Variants in CELSR1 observed in about 807,000 individuals in gnomAD.
CELSR1 encodes the protein adhesion G protein-coupled receptor C1.
Under a neutral mutation model 249.1 loss-of-function variants are expected in CELSR1, and 110 were observed. The ratio of observed to expected loss-of-function variants is 0.44; its 90% CI spans 0.38 to 0.52. The LOEUF is 0.52. CELSR1 is among the 20% of genes least tolerant of loss of function. The probability of loss-of-function intolerance (pLI) is 0.00; values close to 1 mark genes in which losing one functional copy is unlikely to be tolerated. For missense variants in CELSR1, 4,109 were observed against 4,296.4 expected (o/e 0.96, Z 1.22); for synonymous variants, 2,113 against 1,900.0 (o/e 1.11, Z -2.92).
rs1338233117 is a variant in CELSR1, at chr22:46,427,582, G to A, written c.4611+5811C>T. Among the ~76,000 whole-genome samples, 1 of 152,144 alleles carries A rather than the reference G, an allele frequency of 6.6e-6. No individual in the cohort carries two copies. Among genetic ancestry groups the A allele is most frequent in the East Asian group, 1.9e-4 (1 of 5,190 alleles). On this transcript the variant is annotated intron_variant, in intron 5 of 34. Transcript: ENST00000674500. This position sits in a 1 kb window ranked among gnomAD's most constrained non-coding sequence, Gnocchi z 4.2. The stretch of plus-strand genomic sequence containing the variant: ...CTACAACTATGGCTTTTAAAATCTA[G>A]TAACAAGATCCTGGGAGCTCCTCCC...
At chr22:46,474,120 C>T (rs1409850908) in intron 1 of CELSR1, among the ~76,000 whole-genome samples, 1 of 152,184 alleles carries the variant, frequency 6.6e-6, no homozygotes, top group Admixed American at 6.5e-5. Flanking sequence ...GTGCTGCTCA[C>T]GATGCCTCGG....
Position 46,448,981 on chromosome 22 carries a change from C to T in CELSR1, c.4184-9570G>A, listed in dbSNP as rs577353855. 3.3e-5 allele frequency among the ~76,000 whole-genome samples: 5 copies of T among 152,134 alleles called. No homozygotes were observed. Among genetic ancestry groups the T allele is most frequent in the African/African-American group, 9.7e-5 (4 of 41,418 alleles). ...ATGTCAGAAATGATAAAACACCACA[C>T]GAATTTGCCCATCTGTTATTCCATT... is the stretch of plus-strand genomic sequence containing the variant. On this transcript the variant is annotated intron_variant, in intron 2 of 34. Transcript: ENST00000674500. The surrounding 1 kb of genome is among the most constrained non-coding windows in gnomAD (Gnocchi z 5.7).
chr22:46,421,455 G>T (rs949685901), intron 5 of CELSR1, among the ~76,000 whole-genome samples: 5 of 152,212 alleles, frequency 3.3e-5, no homozygotes, highest in Non-Finnish European at 7.3e-5. Context: ...AAGGCCCAGG[G>T]TGGGGCGGCG....
intron 19 of CELSR1, among the ~76,000 whole-genome samples, chr22:46,385,773 G>A (rs2079026012): frequency 1.3e-5 from 2 of 151,364 alleles, no homozygotes; most frequent in Admixed American, 6.6e-5. Context: ...CGCTTCCCGG[G>A]TTCACGCCAT....
At chr22:46,509,538 C>G (rs1490955012) in intron 1 of CELSR1, among the ~76,000 whole-genome samples, 1 of 17,938 alleles carries the variant, frequency 5.6e-5, no homozygotes, top group African/African-American at 1.5e-4. Context: ...GTCAACTGGA[C>G]AGTGGGTGCT....
In CELSR1 at chr22:46,431,036, G is replaced by A. The variant is rs539299374; in HGVS notation, c.4611+2357C>T. On this transcript the variant is annotated intron_variant, in intron 5 of 34. Transcript: ENST00000674500. ...CAAGAGAGAGAAGTATCTGGCGCTC[G>A]CAGGAAAGGCCTAATCCCACACGGG... Among the ~76,000 whole-genome samples, 125 of 152,326 alleles carry A rather than the reference G, an allele frequency of 8.2e-4. 1 individual carries two copies. In the South Asian group the frequency reaches 0.023, roughly 28 times the overall value.
At chr22:46,523,568 A>AT (rs1362696367) in intron 1 of CELSR1, among the ~76,000 whole-genome samples, 1 of 150,770 alleles carries the variant, frequency 6.6e-6, no homozygotes, top group African/African-American at 2.5e-5. Flanking sequence ...ATAAAATAAA[A>AT]AGAAAGAAAA....
rs1244417230 is a variant in CELSR1 at position 46,526,739 on chromosome 22, G to A, written c.3544+6888C>T. On this transcript the variant is annotated intron_variant, in intron 1 of 34. Coordinates refer to ENST00000674500, the MANE Select transcript of CELSR1 (RefSeq NM_001378328.1). This position sits in a 1 kb window ranked among gnomAD's most constrained non-coding sequence, Gnocchi z 4.7. ...TGTTCCCCACCCAGGAGGCTATTCGGGCCATGGCTCCTCAAGGCTGGGCCT... is the reference window on the plus strand; with the variant it reads ...TGTTCCCCACCCAGGAGGCTATTCGAGCCATGGCTCCTCAAGGCTGGGCCT... 6.6e-6 allele frequency among the ~76,000 whole-genome samples: 1 copy of A among 152,122 alleles called. No homozygotes were observed. Among genetic ancestry groups the A allele is most frequent in the Non-Finnish European group, 1.5e-5 (1 of 68,036 alleles).
rs2079667653 is a variant in CELSR1, at chr22:46,436,820, G to A, written c.4407-531C>T. ...GGCCTTTGCACCAGCTGCCCCCTAT[G>A]CCAGAAACAATCTTCCCAGGCTTTG... is the stretch of plus-strand genomic sequence containing the variant. On this transcript the variant is annotated intron_variant, in intron 3 of 34. Transcript: ENST00000674500. This position sits in a 1 kb window ranked among gnomAD's most constrained non-coding sequence, Gnocchi z 5.9. Among the ~76,000 whole-genome samples the A allele has an allele frequency of 6.6e-6, 1 of 152,118 alleles. No individual in the cohort carries two copies. The highest frequency in any genetic ancestry group is 2.4e-5 in the African/African-American group (1 of 41,398).
Position 46,446,739 on chromosome 22 carries a change from C to T in CELSR1, c.4184-7328G>A, listed in dbSNP as rs761253417. Among the ~76,000 whole-genome samples, 1 of 152,114 alleles carries T rather than the reference C, an allele frequency of 6.6e-6. No individual in the cohort carries two copies. The highest frequency in any genetic ancestry group is 1.5e-5 in the Non-Finnish European group (1 of 68,030). On this transcript the variant is annotated intron_variant, in intron 2 of 34. Coordinates refer to ENST00000674500, the MANE Select transcript of CELSR1 (RefSeq NM_001378328.1). The surrounding 1 kb of genome is among the most constrained non-coding windows in gnomAD (Gnocchi z 5.5). The stretch of plus-strand genomic sequence containing the variant: ...TGCACTTAATCCATGAGTTACAAAA[C>T]GACATAATTCCCATATTTGATTCAA...
Position 46,506,440 on chromosome 22 carries a change from C to G in CELSR1, c.3544+27187G>C, listed in dbSNP as rs546397319. On this transcript the variant is annotated intron_variant, in intron 1 of 34. Coordinates refer to ENST00000674500, the MANE Select transcript of CELSR1 (RefSeq NM_001378328.1). This position sits in a 1 kb window ranked among gnomAD's most constrained non-coding sequence, Gnocchi z 4.1. The stretch of plus-strand genomic sequence containing the variant: ...GGGCTCAACCCCTGCAGGCCTCACA[C>G]TAGGCCTCCCTTTGTGTATCACAGT... Among the ~76,000 whole-genome samples, 7 of 152,274 alleles carry G rather than the reference C, an allele frequency of 4.6e-5. No homozygotes were observed. The highest frequency in any genetic ancestry group is 1.7e-4 in the African/African-American group (7 of 41,548).
At chr22:46,458,663 T>A (rs749111618) in intron 2 of CELSR1, among the ~76,000 whole-genome samples, 39 of 152,120 alleles carry the variant, frequency 2.6e-4, no homozygotes, top group Non-Finnish European at 4.9e-4. Context: ...GCCCGGGGCA[T>A]CTGACCCTCC....
intron 25 of CELSR1, among the ~76,000 whole-genome samples, chr22:46,370,774 A>G (rs1464349399): frequency 3.3e-5 from 5 of 152,244 alleles, no homozygotes; most frequent in Non-Finnish European, 5.9e-5. Flanking sequence ...CAGTCAGGGA[A>G]GCCCTGGATG....
Position 46,535,709 on chromosome 22 carries a change from G to T in CELSR1, c.1462C>A (p.Gln488Lys). 1 of 1,612,796 alleles carries T rather than the reference G, an allele frequency of 6.2e-7. No individual in the cohort carries two copies. The highest frequency in any genetic ancestry group is 8.5e-7 in the Non-Finnish European group (1 of 1,180,022). ...VLRVQATDRD[Q>K]GQNAAIHYSI... ...TAGTGAATGGCCGCGTTCTGGCCCTGGTCCCGGTCCGTGGCCTGCACTCGC... is the reference window on the plus strand; with the variant it reads ...TAGTGAATGGCCGCGTTCTGGCCCTTGTCCCGGTCCGTGGCCTGCACTCGC... The change falls in exon 1 of 35, where the codon CAG becomes AAG. Residue 488 changes from glutamine (Q) to lysine (K), a missense_variant. Physicochemically the swap from Gln to Lys is moderately conservative, Grantham distance 53. Transcript: ENST00000674500.
Position 46,398,560 on chromosome 22 carries a change from C to A in CELSR1, c.5490G>T (p.Lys1830Asn), listed in dbSNP as rs1189192665. 6.2e-7 allele frequency: 1 copy of A among 1,613,684 alleles called. No individual in the cohort carries two copies. Among genetic ancestry groups the A allele is most frequent in the East Asian group, 2.2e-5 (1 of 44,842 alleles). The change falls in exon 11 of 35, where the codon AAG becomes AAT. Residue 1830 changes from lysine to asparagine, a missense_variant. Lys to Asn is a moderately conservative substitution (Grantham distance 94). This residue lies in a region of CELSR1 where 1,805 missense variants were observed against 1,831.6 expected (regional missense o/e 0.99). Coordinates refer to ENST00000674500, the MANE Select transcript of CELSR1 (RefSeq NM_001378328.1). This position sits in a 1 kb window ranked among gnomAD's most constrained non-coding sequence, Gnocchi z 7.2. The stretch of plus-strand genomic sequence containing the variant: ...CTCGGAATCCACGGCGCACGGAGAC[C>A]TTGTCTTCAGAGGCGCCTCCGACCA... The part of the protein sequence containing the change: ...SVVVGGASED[K>N]VSVRRGFRGC...
In CELSR1 at chr22:46,471,588, G is replaced by A. The variant is rs550204311; in HGVS notation, c.3545-7243C>T. ...TGTTCTTGTTTTTTGTAGAGGTGAG[G>A]CCGTGCGATGTTGCCCAGGCTGGTC... On this transcript the variant is annotated intron_variant, in intron 1 of 34. Coordinates refer to ENST00000674500, the MANE Select transcript of CELSR1 (RefSeq NM_001378328.1). This position sits in a 1 kb window ranked among gnomAD's most constrained non-coding sequence, Gnocchi z 4.9. Among the ~76,000 whole-genome samples the A allele has an allele frequency of 6.6e-6, 1 of 152,188 alleles. No homozygotes were observed. Among genetic ancestry groups the A allele is most frequent in the East Asian group, 1.9e-4 (1 of 5,172 alleles).
intron 2 of CELSR1, 95 bp from the exon 3 acceptor site, chr22:46,439,506 C>A: frequency 1.0e-6 from 1 of 991,026 alleles, no homozygotes; most frequent in Non-Finnish European, 1.5e-6. Context: ...ACCCCAGCCA[C>A]ACAGTCAGCT....
In CELSR1 at chr22:46,436,412, G is replaced by C. The variant is rs1298892607; in HGVS notation, c.4407-123C>G. ...GGGCTACGATTCAGGAAAGAATGGT[G>C]TCAGGCATGCGTCCTTCTCATAGGA... is the stretch of plus-strand genomic sequence containing the variant. On this transcript the variant is annotated intron_variant, in intron 3 of 34. Transcript: ENST00000674500. The surrounding 1 kb of genome is among the most constrained non-coding windows in gnomAD (Gnocchi z 5.9). 4 of 648,366 alleles carry C rather than the reference G, an allele frequency of 6.2e-6. No homozygotes were observed. 40.2% of individuals were successfully genotyped at this position (648,366 alleles called of 1,614,324 possible).
At chr22:46,367,926 G>A (rs2078805798) in intron 27 of CELSR1, 71 bp from the exon 28 acceptor site, 32 of 1,497,162 alleles carry the variant, frequency 2.1e-5, no homozygotes, top group Middle Eastern at 2.4e-4. Flanking sequence ...CTCTCTGCAC[G>A]TCCACCTGTC....
Sources: gnomAD v4.1 joint callset for allele counts (sites outside exome capture counted in the v4.1 genomes callset) on GRCh38, gnomAD v4.1.1 for gene constraint, gnomAD v4.1.1 regional missense constraint, Gnocchi (gnomAD v3.1) non-coding constraint, MANE v1.5 for transcripts, NCBI Gene and HGNC (gene_info 2026-07-23, HGNC 2026-07-21) for gene names.